Variants in EIF3E observed in about 807,000 individuals in gnomAD.
The protein encoded by EIF3E is eIF-3 p48.
A neutral mutation model predicts 59.3 loss-of-function variants in EIF3E; 25 were observed. That is an observed-to-expected ratio of 0.42 (90% CI 0.31 to 0.59). The LOEUF (loss-of-function observed/expected upper bound fraction) is 0.59, where lower values mean the gene tolerates loss of function less well. Among genes scored for constraint, EIF3E ranks in the 20% least tolerant of loss-of-function variants. EIF3E has a pLI of 0.15. For missense variants in EIF3E, 317 were observed against 534.3 expected, an observed-to-expected ratio of 0.59 and a Z score of 4.01; for synonymous variants, 176 against 170.2, an observed-to-expected ratio of 1.03 and a Z score of -0.26.
rs144019397 is a variant in EIF3E at position 108,244,046 on chromosome 8, CT to C, written c.91-2134del. On this transcript the variant is annotated intron_variant, in intron 1 of 12. Transcript: ENST00000220849. Reference sequence around the variant, plus strand: ...ATAAGCAGAAAGCAAATACTTCAGACTTTGTATCAAGAAGCAACAATTGAAA... The same window carrying C: ...ATAAGCAGAAAGCAAATACTTCAGACTTGTATCAAGAAGCAACAATTGAAA... 8.9e-4 allele frequency among the ~76,000 whole-genome samples: 136 copies of C among 152,202 alleles called. 2 individuals carry two copies. The East Asian group carries it at 0.024, about 27-fold the overall frequency.
At chr8:108,242,278 C>T in intron 1 of EIF3E, 2 of 1,291,322 alleles carry the variant, frequency 1.5e-6, no homozygotes, top group Non-Finnish European at 2.0e-6. Context: ...ATATAGCTGT[C>T]ACTTCTCCAC....
chr8:108,239,627 T>C (rs1815799489), intron 3 of EIF3E, among the ~76,000 whole-genome samples: 1 of 152,136 alleles, frequency 6.6e-6, no homozygotes, highest in South Asian at 2.1e-4. Context: ...TAGGTCCCTA[T>C]AGCACCCCTC....
chr8:108,230,816 A>C (rs1815609379), intron 5 of EIF3E, among the ~76,000 whole-genome samples: 1 of 152,192 alleles, frequency 6.6e-6, no homozygotes, highest in East Asian at 1.9e-4. Flanking sequence ...GTAAATTCAC[A>C]GAATGAAATA....
At chr8:108,202,680 C>T (rs943227576) in intron 12 of EIF3E, among the ~76,000 whole-genome samples, 1 of 151,854 alleles carries the variant, frequency 6.6e-6, no homozygotes, top group African/African-American at 2.4e-5. Flanking sequence ...TTATCATCTG[C>T]CAGTATCAAA....
chr8:108,222,066 G>A (rs1815427058), intron 7 of EIF3E, among the ~76,000 whole-genome samples: 1 of 152,000 alleles, frequency 6.6e-6, no homozygotes, highest in Non-Finnish European at 1.5e-5. Context: ...TTTTAGAGAT[G>A]GAATCTGACT....
In EIF3E at chr8:108,201,267, C is replaced by CTATATATATATATATATATATATATA. The variant is rs1563624517; in HGVS notation, c.*617_*618insTATATATATATATATATATATATATA. 7.9e-6 allele frequency: 1 copy of CTATATATATATATATATATATATATA among 126,538 alleles called. No individual in the cohort carries two copies. Among genetic ancestry groups the CTATATATATATATATATATATATATA allele is most frequent in the African/African-American group, 3.5e-5 (1 of 28,186 alleles). The allele number at this position is 126,538 out of a possible 1,614,324, so 7.8% of individuals were successfully genotyped here. ...CTACTGATCATATATATATATATATCTATCTCTCAACTTGGATGGCTCTCA... is the reference window on the plus strand; with the variant it reads ...CTACTGATCATATATATATATATATCTATATATATATATATATATATATATATATCTCTCAACTTGGATGGCTCTCA... On this transcript the variant is annotated 3_prime_UTR_variant, in exon 13 of 13. Coordinates refer to ENST00000220849, the MANE Select transcript of EIF3E (RefSeq NM_001568.3).
chr8:108,220,066 C>T (rs1002987062), intron 7 of EIF3E, among the ~76,000 whole-genome samples: 2 of 151,860 alleles, frequency 1.3e-5, no homozygotes, highest in African/African-American at 4.8e-5. Flanking sequence ...TCACTTGAAC[C>T]CGGGAGGTGG....
chr8:108,245,121 GC>G (rs980159016), intron 1 of EIF3E, among the ~76,000 whole-genome samples: 101 of 149,364 alleles, frequency 6.8e-4, no homozygotes, highest in South Asian at 3.2e-3. Flanking sequence ...AACCCTCACT[GC>G]CCCCCCCTCC....
At chr8:108,231,846 T>G (rs1815628026) in intron 5 of EIF3E, 1 of 152,010 alleles carries the variant, frequency 6.6e-6, no homozygotes, top group South Asian at 2.1e-4. Flanking sequence ...CACGAGTCTT[T>G]TCTTTTTTTT....
rs1458148311 is a variant in EIF3E, at chr8:108,214,640, G to A, written c.1028C>T (p.Thr343Ile). 6.2e-7 allele frequency: 1 copy of A among 1,610,286 alleles called. No homozygotes were observed. Among genetic ancestry groups the A allele is most frequent in the Non-Finnish European group, 8.5e-7 (1 of 1,179,100 alleles). Residue 343 changes from threonine to isoleucine, a missense_variant, in exon 10 of 13, where the codon ACT becomes ATT. Thr to Ile is a moderately conservative substitution (Grantham distance 89). This residue lies in a region of EIF3E where 242 missense variants were observed against 398.0 expected (regional missense o/e 0.61). Transcript: ENST00000220849. ...IENARLFIFE[T>I]FCRIHQCISI... The stretch of plus-strand genomic sequence containing the variant: ...GATACACTGGTGGATGCGACAGAAA[G>A]TCTCAAATATGAAGAGACGGGCATT...
intron 1 of EIF3E, among the ~76,000 whole-genome samples, chr8:108,243,853 A>C (rs1815893514): frequency 6.6e-6 from 1 of 152,090 alleles, no homozygotes; most frequent in Non-Finnish European, 1.5e-5. Flanking sequence ...TAGAAACACT[A>C]ATCTTAAATA....
At chr8:108,236,097 C>A in intron 4 of EIF3E, 64 bp downstream of exon 4, 4 of 1,411,936 alleles carry the variant, frequency 2.8e-6, no homozygotes, top group Middle Eastern at 1.9e-4. Context: ...CTCATCTGTA[C>A]AAACCAGTCT....
intron 11 of EIF3E, 78 bp from the exon 12 acceptor site, chr8:108,203,195 C>CTTTGCGCATATTTTAAT (rs1276179730): frequency 2.0e-6 from 3 of 1,523,246 alleles, no homozygotes; most frequent in Non-Finnish European, 2.7e-6. Context: ...CATGACATAC[C>CTTTGCGCATATTTTAAT]TTTGCGCATA....
chr8:108,238,495 A>C (rs938436514), intron 3 of EIF3E, among the ~76,000 whole-genome samples: 1 of 152,220 alleles, frequency 6.6e-6, no homozygotes, highest in Non-Finnish European at 1.5e-5. Context: ...TATAGTTGTT[A>C]GTTGTTACAC....
At chr8:108,217,752 T>C (rs932077920) in intron 7 of EIF3E, among the ~76,000 whole-genome samples, 9 of 152,166 alleles carry the variant, frequency 5.9e-5, no homozygotes, top group African/African-American at 1.9e-4. Context: ...GCAAGGTTCA[T>C]TGACATGCTG....
rs528262162 is a variant in EIF3E at position 108,202,316 on chromosome 8, T to C, written c.1300-393A>G. ...CCTTCTCATTTGAACTAAAGGATTA[T>C]TCTGCGGACACAAATTTGTTCCTAA... On this transcript the variant is annotated intron_variant, in intron 12 of 12. Coordinates refer to ENST00000220849, the MANE Select transcript of EIF3E (RefSeq NM_001568.3). 1.8e-4 allele frequency among the ~76,000 whole-genome samples: 28 copies of C among 152,208 alleles called. 1 individual carries two copies. The Middle Eastern group carries it at 0.01, about 55-fold the overall frequency.
At chr8:108,230,430 T>C (rs776074277) in intron 5 of EIF3E, among the ~76,000 whole-genome samples, 20 of 152,282 alleles carry the variant, frequency 1.3e-4, no homozygotes, top group Middle Eastern at 3.4e-3. Flanking sequence ...ATCGCAGAGA[T>C]AGGTATACAG....
rs1370424233 is a variant in EIF3E, at chr8:108,214,860, C to A, written c.952-144G>T. On this transcript the variant is annotated intron_variant, in intron 9 of 12. Coordinates refer to ENST00000220849, the MANE Select transcript of EIF3E (RefSeq NM_001568.3). Reference sequence around the variant, plus strand: ...ACTTTCTAGAACACTGTGTTCAAATCTTTAATGATTTAAATAAGTAGTAAA... The same window carrying A: ...ACTTTCTAGAACACTGTGTTCAAATATTTAATGATTTAAATAAGTAGTAAA... The A allele has an allele frequency of 4.5e-6, 3 of 663,022 alleles. No individual in the cohort carries two copies. In the East Asian group the frequency reaches 9.1e-5, roughly 20 times the overall value. The allele number at this position is 663,022 out of a possible 1,614,324, so 41.1% of individuals were successfully genotyped here. A position where few individuals can be genotyped will look rare whatever the true frequency, so the allele number is the denominator to read the frequency against.
At chr8:108,227,095 T>C (rs695028) in intron 7 of EIF3E, 76,313 of 151,932 alleles carry the variant, frequency 0.5, 19,213 homozygotes, top group African/African-American at 0.58. Flanking sequence ...GAGGCTGAGG[T>C]AGGAGAACTG....
Sources: gnomAD v4.1 joint callset for allele counts (sites outside exome capture counted in the v4.1 genomes callset) on GRCh38, gnomAD v4.1.1 for gene constraint, gnomAD v4.1.1 regional missense constraint, MANE v1.5 for transcripts, NCBI Gene and HGNC (gene_info 2026-07-23, HGNC 2026-07-21) for gene names.